Variants in RALGPS1 observed in about 807,000 individuals in gnomAD.
RALGPS1 encodes the protein Ral GEF with PH domain and SH3 binding motif 1.
A neutral mutation model predicts 78.8 loss-of-function variants in RALGPS1; 19 were observed. The ratio of observed to expected loss-of-function variants is 0.24; its 90% CI spans 0.17 to 0.35. The LOEUF is 0.35. Among genes scored for constraint, RALGPS1 ranks in the 10% least tolerant of loss-of-function variants. The pLI, the probability that RALGPS1 is intolerant of heterozygous loss-of-function variation, is 1.00. For synonymous variants in RALGPS1, 228 were observed against 256.3 expected (o/e 0.89, Z 1.06); for missense variants, 454 against 688.3 (o/e 0.66, Z 3.81).
chr9:127,218,760 A>G lies in RALGPS1; in HGVS notation c.1665A>G (p.Ser555=). 1.2e-6 allele frequency: 2 copies of G among 1,613,938 alleles called. No homozygotes were observed. The highest frequency in any genetic ancestry group is 1.6e-4 in the Middle Eastern group (1 of 6,062). ...TCTAGGTACCTGCAAACCTTATGTC[A>G]TTTGAGTAAGTCTCTGCAGGACGTG... ...NRPQVPANLM[S]FE The change falls in exon 19 of 19, where the codon TCA becomes TCG. Residue 555 remains serine (S), a synonymous_variant. Coordinates refer to ENST00000259351, the MANE Select transcript of RALGPS1 (RefSeq NM_014636.3). This position sits in a 1 kb window ranked among gnomAD's most constrained non-coding sequence, Gnocchi z 4.4.
At chr9:126,993,602 C>G (rs1456969241) in intron 4 of RALGPS1, among the ~76,000 whole-genome samples, 1 of 151,702 alleles carries the variant, frequency 6.6e-6, no homozygotes, top group Non-Finnish European at 1.5e-5. Flanking sequence ...TCCACTGTAG[C>G]TCTGGTCTAC....
rs1274703009 is a variant in RALGPS1, at chr9:127,211,066, C to G, written c.1248-1065C>G. Among the ~76,000 whole-genome samples, 1 of 152,190 alleles carries G rather than the reference C, an allele frequency of 6.6e-6. No homozygotes were observed. The highest frequency in any genetic ancestry group is 2.4e-5 in the African/African-American group (1 of 41,448). ...AAGTGGAGGGGCAATGAGAATGTTCCCAGCAAAGGGACAGCATGGGCTATG... is the reference window on the plus strand; with the variant it reads ...AAGTGGAGGGGCAATGAGAATGTTCGCAGCAAAGGGACAGCATGGGCTATG... On this transcript the variant is annotated intron_variant, in intron 14 of 18. Coordinates refer to ENST00000259351, the MANE Select transcript of RALGPS1 (RefSeq NM_014636.3). This position sits in a 1 kb window ranked among gnomAD's most constrained non-coding sequence, Gnocchi z 5.0.
rs991880329 is a variant in RALGPS1 at position 127,218,140 on chromosome 9, C to T, written c.1645-600C>T. On this transcript the variant is annotated intron_variant, in intron 18 of 18. Coordinates refer to ENST00000259351, the MANE Select transcript of RALGPS1 (RefSeq NM_014636.3). The surrounding 1 kb of genome is among the most constrained non-coding windows in gnomAD (Gnocchi z 4.4). ...AGGGAGGAGGTCTGGGGCTGAGGAC[C>T]TGTTGGCAGCTTTTGGGGGTGGCAG... Among the ~76,000 whole-genome samples, 9 of 152,234 alleles carry T rather than the reference C, an allele frequency of 5.9e-5. No individual in the cohort carries two copies. Among genetic ancestry groups the T allele is most frequent in the African/African-American group, 1.9e-4 (8 of 41,534 alleles).
chr9:127,192,822 T>A (rs2061146686), intron 11 of RALGPS1, among the ~76,000 whole-genome samples: 1 of 152,144 alleles, frequency 6.6e-6, no homozygotes, highest in Non-Finnish European at 1.5e-5. Flanking sequence ...TGACAGTGAT[T>A]GAAGAGGCAC....
intron 1 of RALGPS1, among the ~76,000 whole-genome samples, chr9:126,937,476 C>T (rs954575709): frequency 2.0e-5 from 3 of 152,044 alleles, no homozygotes; most frequent in Admixed American, 6.6e-5. Context: ...GATTTGGTTG[C>T]CTATAATAAT....
At chr9:127,102,420 AC>A (rs1249082683) in intron 8 of RALGPS1, among the ~76,000 whole-genome samples, 1 of 152,166 alleles carries the variant, frequency 6.6e-6, no homozygotes, top group Non-Finnish European at 1.5e-5. Flanking sequence ...CATTTGTATG[AC>A]CAGTTAGCTG....
intron 8 of RALGPS1, among the ~76,000 whole-genome samples, chr9:127,078,040 A>G (rs2050830761): frequency 6.6e-6 from 1 of 152,136 alleles, no homozygotes; most frequent in African/African-American, 2.4e-5. Context: ...CAGCCCAGGA[A>G]GCCTTTGAAC....
At chr9:127,182,520 C>T (rs1227322916) in intron 11 of RALGPS1, among the ~76,000 whole-genome samples, 2 of 151,330 alleles carry the variant, frequency 1.3e-5, no homozygotes, top group African/African-American at 4.9e-5. Flanking sequence ...GCCTCTGTCT[C>T]CTGACTTCAA....
chr9:127,175,677 C>CTTTTT (rs11354346), intron 11 of RALGPS1, among the ~76,000 whole-genome samples: 14 of 108,976 alleles, frequency 1.3e-4, no homozygotes, highest in Non-Finnish European at 1.5e-4. Flanking sequence ...TTTGGGCCTC[C>CTTTTT]TTTTTTTTTT....
Position 127,219,133 on chromosome 9 carries a change from G to A in RALGPS1, c.*364G>A, listed in dbSNP as rs1032206144. ...GACAGCGCTAACTAACCTGTGAGAG[G>A]GGCCCGAGAGAAGGAACAGCTGTGG... is the stretch of plus-strand genomic sequence containing the variant. On this transcript the variant is annotated 3_prime_UTR_variant, in exon 19 of 19. Transcript: ENST00000259351. This position sits in a 1 kb window ranked among gnomAD's most constrained non-coding sequence, Gnocchi z 5.0. 2.1e-5 allele frequency: 6 copies of A among 292,330 alleles called. No homozygotes were observed. Among genetic ancestry groups the A allele is most frequent in the Admixed American group, 9.3e-5 (2 of 21,434 alleles). 18.1% of individuals were successfully genotyped at this position (292,330 alleles called of 1,614,324 possible).
chr9:126,952,650 AGAGAGAGTGT>A (rs1321819736), intron 1 of RALGPS1, among the ~76,000 whole-genome samples: 4 of 71,030 alleles, frequency 5.6e-5, no homozygotes, highest in Non-Finnish European at 1.8e-4. Flanking sequence ...AGAGAGAGAG[AGAGAGAGTGT>A]GTGTGTGTGT....
intron 9 of RALGPS1, among the ~76,000 whole-genome samples, chr9:127,167,611 C>T (rs1554853188): frequency 2.6e-5 from 4 of 152,190 alleles, no homozygotes; most frequent in South Asian, 2.1e-4. Flanking sequence ...CCTTCACCTG[C>T]GTCATCTCCA....
chr9:126,962,116 T>G (rs1394627158), intron 1 of RALGPS1, 109 bp from the exon 2 acceptor site: 2 of 622,444 alleles, frequency 3.2e-6, no homozygotes, highest in East Asian at 5.6e-5. Context: ...TGACCTTTCT[T>G]TAAAGGTCTC....
intron 1 of RALGPS1, among the ~76,000 whole-genome samples, chr9:126,952,871 G>C (rs1348031875): frequency 6.6e-6 from 1 of 152,148 alleles, no homozygotes; most frequent in African/African-American, 2.4e-5. Context: ...GGCGGCTGCG[G>C]AGTCGTGGGA....
At chr9:127,045,038 T>G (rs1001717939) in intron 5 of RALGPS1, among the ~76,000 whole-genome samples, 24 of 152,206 alleles carry the variant, frequency 1.6e-4, no homozygotes, top group African/African-American at 5.8e-4. Context: ...TTGTCAGGGC[T>G]TTGGAAAGGG....
At chr9:127,006,319 G>A (rs4837126) in intron 4 of RALGPS1, among the ~76,000 whole-genome samples, 110,384 of 152,022 alleles carry the variant, frequency 0.73, 40,285 homozygotes, top group East Asian at 0.81. Flanking sequence ...AAAAAGAAGC[G>A]AATGCAGTGT....
chr9:127,213,765 A>G (rs1429313647), intron 17 of RALGPS1: 5 of 152,316 alleles, frequency 3.3e-5, no homozygotes, highest in Admixed American at 6.5e-5. Flanking sequence ...TGTAGGGTTC[A>G]TGAACACACA....
intron 8 of RALGPS1, among the ~76,000 whole-genome samples, chr9:127,086,349 A>G (rs2051740402): frequency 6.6e-6 from 1 of 152,212 alleles, no homozygotes; most frequent in African/African-American, 2.4e-5. Context: ...GTCCATCCAT[A>G]GTGCACACAT....
At chr9:126,997,570 A>G (rs1403484643) in intron 4 of RALGPS1, among the ~76,000 whole-genome samples, 1 of 152,250 alleles carries the variant, frequency 6.6e-6, no homozygotes, top group Non-Finnish European at 1.5e-5. Flanking sequence ...GGAAGAATCA[A>G]TATCGTGAAA....
Sources: allele counts gnomAD v4.1 joint callset (sites outside exome capture counted in the v4.1 genomes callset), GRCh38; gene constraint gnomAD v4.1.1; non-coding constraint Gnocchi (gnomAD v3.1); transcripts MANE v1.5; gene names NCBI Gene and HGNC (gene_info 2026-07-23, HGNC 2026-07-21).